Variants in NIPAL2 observed in about 807,000 individuals in gnomAD.
NIPAL2 encodes the protein NIPA like domain containing 2.
A neutral mutation model predicts 48.9 loss-of-function variants in NIPAL2; 43 were observed. The observed-to-expected ratio is 0.88, with a 90% CI of 0.69 to 1.13. The LOEUF (loss-of-function observed/expected upper bound fraction) is 1.13. Ranked by LOEUF, NIPAL2 falls within the 50% of genes most tolerant of loss-of-function variation. NIPAL2 has a pLI of 0.00. For synonymous variants in NIPAL2, 167 were observed against 174.6 expected, an observed-to-expected ratio of 0.96 and a Z score of 0.34; for missense variants, 446 against 461.4, an observed-to-expected ratio of 0.97 and a Z score of 0.31.
chr8:98,242,171 G>C (rs761138489), intron 3 of NIPAL2, among the ~76,000 whole-genome samples: 1 of 152,152 alleles, frequency 6.6e-6, no homozygotes, highest in Non-Finnish European at 1.5e-5. Context: ...ATTCCTAAAA[G>C]AGTAGATTTT....
chr8:98,205,522 C>T (rs1257166947), intron 6 of NIPAL2, among the ~76,000 whole-genome samples: 1 of 151,480 alleles, frequency 6.6e-6, no homozygotes, highest in African/African-American at 2.4e-5. Context: ...TTTTCCATCC[C>T]TAACTGTTGA....
intron 3 of NIPAL2, among the ~76,000 whole-genome samples, chr8:98,244,733 A>G (rs1813215197): frequency 6.6e-6 from 1 of 152,142 alleles, no homozygotes; most frequent in South Asian, 2.1e-4. Flanking sequence ...CAAATCCAGC[A>G]CTACCAAATC....
At chr8:98,232,361 CAG>C (rs1812479253) in intron 4 of NIPAL2, among the ~76,000 whole-genome samples, 1 of 152,114 alleles carries the variant, frequency 6.6e-6, no homozygotes, top group East Asian at 1.9e-4. Context: ...AAAAACAAAA[CAG>C]AGCACCCAAT....
At chr8:98,220,964 C>CTTTTTTTTTTTTT (rs557824737) in intron 5 of NIPAL2, among the ~76,000 whole-genome samples, 8 of 68,666 alleles carry the variant, frequency 1.2e-4, no homozygotes, top group East Asian at 5.2e-4. Context: ...TCATTTCATT[C>CTTTTTTTTTTTTT]TTTTTTTTTT....
At chr8:98,255,239 T>C (rs1813817263) in intron 1 of NIPAL2, among the ~76,000 whole-genome samples, 1 of 152,240 alleles carries the variant, frequency 6.6e-6, no homozygotes, top group South Asian at 2.1e-4. Context: ...ATGTATTATT[T>C]AACGATTTCA....
At chr8:98,268,810 TAAGTA>T (rs1814942096) in intron 1 of NIPAL2, among the ~76,000 whole-genome samples, 1 of 152,232 alleles carries the variant, frequency 6.6e-6, no homozygotes, top group Non-Finnish European at 1.5e-5. Flanking sequence ...TGTAGTTTAT[TAAGTA>T]TAGTGTAACC....
intron 4 of NIPAL2, among the ~76,000 whole-genome samples, chr8:98,223,811 T>C (rs1487210026): frequency 6.6e-6 from 1 of 152,256 alleles, no homozygotes; most frequent in Admixed American, 6.5e-5. Flanking sequence ...AAGCTATTTC[T>C]AATAAGAACT....
intron 1 of NIPAL2, among the ~76,000 whole-genome samples, chr8:98,261,051 ACCTGCAGCTGAGGGT>A (rs1287527801): frequency 6.6e-6 from 1 of 151,990 alleles, no homozygotes; most frequent in Non-Finnish European, 1.5e-5. Context: ...ATTCCAACAG[ACCTGCAGCTGAGGGT>A]CCTGTCTGTT....
chr8:98,263,404 A>G (rs1389758561), intron 1 of NIPAL2, among the ~76,000 whole-genome samples: 2 of 150,918 alleles, frequency 1.3e-5, no homozygotes, highest in Middle Eastern at 3.2e-3. Context: ...AGAAAAAAAG[A>G]GAGAAGAATC....
chr8:98,199,575 C>T (rs551578867), intron 8 of NIPAL2, among the ~76,000 whole-genome samples: 2 of 152,210 alleles, frequency 1.3e-5, no homozygotes, highest in African/African-American at 4.8e-5. Context: ...GATAAGTTGG[C>T]AGTCTTACAC....
At chr8:98,217,014 C>A (rs893317948) in intron 5 of NIPAL2, 21 of 959,376 alleles carry the variant, frequency 2.2e-5, no homozygotes, top group Non-Finnish European at 2.6e-5. Context: ...CTCAGACAGG[C>A]CATGTTATGC....
chr8:98,260,880 TCTGACAG>T (rs1254127680), intron 1 of NIPAL2, among the ~76,000 whole-genome samples: 30 of 151,124 alleles, frequency 2.0e-4, no homozygotes, highest in Admixed American at 2.0e-3. Flanking sequence ...AATGTCCCTG[TCTGACAG>T]CTTTGAAGAG....
rs1811363874 is a variant in NIPAL2, at chr8:98,212,440, T to C, written c.620A>G (p.His207Arg). 3 of 1,590,026 alleles carry C rather than the reference T, an allele frequency of 1.9e-6. No homozygotes were observed. Among genetic ancestry groups the C allele is most frequent in the South Asian group, 2.2e-5 (2 of 90,468 alleles). The change falls in exon 6 of 11, where the codon CAT becomes CGT. Residue 207 changes from histidine to arginine, a missense_variant. Transcript: ENST00000430223. ...LYFYKRKGMK[H>R]MVILLTLVAI... Reference sequence around the variant, plus strand: ...CACCAGGGTTAGCAGAATCACCATATGCTTCATTCCTTTTCTTTTATAGAA... The same window carrying C: ...CACCAGGGTTAGCAGAATCACCATACGCTTCATTCCTTTTCTTTTATAGAA...
chr8:98,243,336 ATTCAGGT>A (rs1483114580), intron 3 of NIPAL2, among the ~76,000 whole-genome samples: 1 of 152,130 alleles, frequency 6.6e-6, no homozygotes, highest in Non-Finnish European at 1.5e-5. Context: ...GGGCATTTGG[ATTCAGGT>A]TTCCAGATGA....
At chr8:98,234,168 C>G (rs1812590936) in intron 4 of NIPAL2, among the ~76,000 whole-genome samples, 1 of 152,130 alleles carries the variant, frequency 6.6e-6, no homozygotes, top group Admixed American at 6.6e-5. Context: ...GAAGAATGAT[C>G]TGGCCCCAAA....
At chr8:98,282,942 T>C (rs949811415) in intron 1 of NIPAL2, among the ~76,000 whole-genome samples, 2 of 152,230 alleles carry the variant, frequency 1.3e-5, no homozygotes, top group Admixed American at 6.5e-5. Flanking sequence ...TGCTATTGGG[T>C]TGTTGTGTCC....
intron 2 of NIPAL2, 80 bp from the exon 3 acceptor site, chr8:98,252,714 T>A: frequency 8.5e-7 from 1 of 1,182,226 alleles, no homozygotes; most frequent in Non-Finnish European, 1.2e-6. Context: ...TGTATTCCTT[T>A]AATTCTTTTT....
At chr8:98,194,670 C>A in intron 10 of NIPAL2, 58 bp downstream of exon 10, 2 of 894,378 alleles carry the variant, frequency 2.2e-6, no homozygotes, top group East Asian at 2.8e-5. Flanking sequence ...AAAATAATAC[C>A]AATAACTATT....
chr8:98,242,710 T>G (rs1203955010), intron 3 of NIPAL2, among the ~76,000 whole-genome samples: 1 of 152,010 alleles, frequency 6.6e-6, no homozygotes, highest in African/African-American at 2.4e-5. Context: ...GGTTCTGAGC[T>G]CCTAACCTCG....
Sources: gnomAD v4.1 joint callset for allele counts (sites outside exome capture counted in the v4.1 genomes callset) on GRCh38, gnomAD v4.1.1 for gene constraint, MANE v1.5 for transcripts, NCBI Gene and HGNC (gene_info 2026-07-23, HGNC 2026-07-21) for gene names.